The following RELN variants were observed in gnomAD, a reference collection of about 807,000 sequenced individuals.
The protein encoded by RELN is reelin.
Under a neutral mutation model 427.6 loss-of-function variants are expected in RELN, and 108 were observed. The ratio of observed to expected loss-of-function variants is 0.25; its 90% CI spans 0.22 to 0.30. RELN has a LOEUF of 0.30. Among genes scored for constraint, RELN ranks in the 10% least tolerant of loss-of-function variants. The pLI is 1.00. For missense variants in RELN, 3,715 were observed against 4,302.8 expected, an observed-to-expected ratio of 0.86 and a Z score of 3.82; for synonymous variants, 1,524 against 1,513.4, an observed-to-expected ratio of 1.01 and a Z score of -0.16.
intron 22 of RELN, among the ~76,000 whole-genome samples, chr7:103,609,576 TG>T (rs1295361929): frequency 6.6e-6 from 1 of 152,204 alleles, no homozygotes; most frequent in Non-Finnish European, 1.5e-5. Flanking sequence ...CAGAAAAATC[TG>T]TGGAAATCAA....
Position 103,609,111 on chromosome 7 carries a change from T to C in RELN, c.3008+1584A>G, listed in dbSNP as rs558363581. Among the ~76,000 whole-genome samples, 10 of 151,434 alleles carry C rather than the reference T, an allele frequency of 6.6e-5. No individual in the cohort carries two copies. The South Asian group carries it at 2.1e-3, about 32-fold the overall frequency. On this transcript the variant is annotated intron_variant, in intron 22 of 64. Coordinates refer to ENST00000428762, the MANE Select transcript of RELN (RefSeq NM_005045.4). ...AATGGGGCATGCCTGTAGTCCCAGC[T>C]GCTTGGGAGGCTGAGGCAGGTGAAT...
At chr7:103,936,026 G>A (rs1795975005) in intron 1 of RELN, among the ~76,000 whole-genome samples, 2 of 151,478 alleles carry the variant, frequency 1.3e-5, no homozygotes, top group Non-Finnish European at 2.9e-5. Flanking sequence ...TACATCTGAT[G>A]TTGATTCAAA....
chr7:103,565,659 CT>C, intron 33 of RELN, 108 bp from the exon 34 acceptor site: 1 of 1,004,668 alleles, frequency 1.0e-6, no homozygotes, highest in Non-Finnish European at 1.5e-6. Context: ...CATGGCCTAT[CT>C]TTAGTGCCCC....
chr7:103,741,333 G>A (rs588423), intron 6 of RELN, among the ~76,000 whole-genome samples: 1 of 151,740 alleles, frequency 6.6e-6, no homozygotes, highest in Non-Finnish European at 1.5e-5. Flanking sequence ...CCTTTATGAT[G>A]TTGCTGTAAT....
At chr7:103,865,209 A>G (rs1794170377) in intron 2 of RELN, among the ~76,000 whole-genome samples, 1 of 151,838 alleles carries the variant, frequency 6.6e-6, no homozygotes, top group Non-Finnish European at 1.5e-5. Context: ...ATCATGAAAA[A>G]ATAGGAAATT....
chr7:103,654,088 T>C lies in RELN; in HGVS notation c.1554+5A>G, dbSNP rs778678895. ...TCTATTTGCCACACAGACTGGCATG[T>C]GTACCTTATATGAGGAATAGGAAAG... On this transcript the variant is annotated splice_donor_5th_base_variant and intron_variant, in intron 13 of 64. Coordinates refer to ENST00000428762, the MANE Select transcript of RELN (RefSeq NM_005045.4). The C allele has an allele frequency of 2.5e-5, 38 of 1,514,394 alleles. No homozygotes were observed. The highest frequency in any genetic ancestry group is 3.4e-5 in the Non-Finnish European group (37 of 1,089,620). The allele number at this position is 1,514,394 out of a possible 1,614,324, so 93.8% of individuals were successfully genotyped here.
chr7:103,972,305 C>A (rs762469220), intron 1 of RELN, among the ~76,000 whole-genome samples: 1 of 152,164 alleles, frequency 6.6e-6, no homozygotes, highest in Non-Finnish European at 1.5e-5. Context: ...TTCACGTCTG[C>A]ATGCACGTAT....
At chr7:103,718,665 A>C (rs1790002155) in intron 8 of RELN, among the ~76,000 whole-genome samples, 1 of 152,080 alleles carries the variant, frequency 6.6e-6, no homozygotes, top group South Asian at 2.1e-4. Context: ...ACTATTATAG[A>C]TGTCTTTGTA....
chr7:103,486,149 G>T, intron 61 of RELN, 48 bp downstream of exon 61: 1 of 1,537,362 alleles, frequency 6.5e-7, no homozygotes, highest in Non-Finnish European at 9.0e-7. Context: ...CAATCACTGG[G>T]CTTGTGACTA....
intron 1 of RELN, among the ~76,000 whole-genome samples, chr7:103,983,885 G>GTA (rs1434899587): frequency 2.6e-4 from 40 of 152,026 alleles, no homozygotes; most frequent in African/African-American, 9.4e-4. Context: ...GTGTGTGTGT[G>GTA]TGTGTGTGTG....
chr7:103,825,497 G>T (rs1232036052), intron 3 of RELN, among the ~76,000 whole-genome samples: 1 of 152,134 alleles, frequency 6.6e-6, no homozygotes, highest in Non-Finnish European at 1.5e-5. Flanking sequence ...GTCTTATTTG[G>T]TGAGTTTAGA....
At chr7:103,778,116 T>G (rs1312190838) in intron 3 of RELN, among the ~76,000 whole-genome samples, 1 of 152,264 alleles carries the variant, frequency 6.6e-6, no homozygotes, top group Non-Finnish European at 1.5e-5. Context: ...TATAGGTTTT[T>G]CTTTGCTTTC....
At chr7:103,748,369 T>C (rs558909712) in intron 6 of RELN, among the ~76,000 whole-genome samples, 5 of 152,238 alleles carry the variant, frequency 3.3e-5, no homozygotes, top group Middle Eastern at 3.4e-3. Context: ...TTGTGTAATA[T>C]TGAAGCCTCA....
At chr7:103,483,945 T>G in intron 61 of RELN, 95 bp from the exon 62 acceptor site, 2 of 1,250,476 alleles carry the variant, frequency 1.6e-6, no homozygotes, top group Non-Finnish European at 2.2e-6. Flanking sequence ...AGTGGTGTGA[T>G]CTCGGCTCAC....
At chr7:103,577,812 G>A (rs1831039245) in intron 28 of RELN, among the ~76,000 whole-genome samples, 1 of 152,188 alleles carries the variant, frequency 6.6e-6, no homozygotes, top group African/African-American at 2.4e-5. Context: ...AAGTCCTCTT[G>A]GATTAGAAGT....
intron 19 of RELN, 134 bp from the exon 20 acceptor site, chr7:103,630,310 G>A: frequency 1.5e-6 from 1 of 659,514 alleles, no homozygotes; most frequent in East Asian, 2.7e-5. Flanking sequence ...ATTTTTTTTT[G>A]AGATGTCCAG....
At chr7:103,481,504 G>A (rs1828236247) in intron 63 of RELN, among the ~76,000 whole-genome samples, 1 of 152,142 alleles carries the variant, frequency 6.6e-6, no homozygotes, top group African/African-American at 2.4e-5. Context: ...AATCACCTGA[G>A]CTGCTTTTAA....
In RELN at chr7:103,645,139, G is replaced by T. The variant is rs556976485; in HGVS notation, c.2003-4530C>A. ...AAATGCTAAGGGAGTTCTAAACATA[G>T]AAATTAAAGATCAATACTCACCATC... On this transcript the variant is annotated intron_variant, in intron 16 of 64. Transcript: ENST00000428762. 2.6e-4 allele frequency among the ~76,000 whole-genome samples: 40 copies of T among 151,716 alleles called. No individual in the cohort carries two copies. The South Asian group carries it at 7.9e-3, about 30-fold the overall frequency.
chr7:103,534,546 GGCATGATCATAGCTCAC>G (rs1830009048), intron 46 of RELN, among the ~76,000 whole-genome samples: 1 of 151,872 alleles, frequency 6.6e-6, no homozygotes. Context: ...GGAGTGCAGT[GGCATGATCATAGCTCAC>G]TGCATTCTCA....
Sources: gnomAD v4.1 joint callset for allele counts (sites outside exome capture counted in the v4.1 genomes callset) on GRCh38, gnomAD v4.1.1 for gene constraint, MANE v1.5 for transcripts, NCBI Gene and HGNC (gene_info 2026-07-23, HGNC 2026-07-21) for gene names.